Variants in NCKAP5 observed in about 807,000 individuals in gnomAD.
NCKAP5 encodes the protein nck-associated protein 5.
Under a neutral mutation model 167.0 loss-of-function variants are expected in NCKAP5, and 92 were observed. That is an observed-to-expected ratio of 0.55 (90% CI 0.47 to 0.66). NCKAP5 has a LOEUF of 0.66. Among genes scored for constraint, NCKAP5 ranks in the 30% least tolerant of loss-of-function variants. The pLI, the probability that NCKAP5 is intolerant of heterozygous loss-of-function variation, is 0.00. For missense variants in NCKAP5, 2,378 were observed against 2,315.0 expected (o/e 1.03, Z -0.56); for synonymous variants, 891 against 877.4 (o/e 1.02, Z -0.27).
chr2:132,783,467 A>G lies in NCKAP5; in HGVS notation c.3344T>C (p.Val1115Ala). The stretch of plus-strand genomic sequence containing the variant: ...TGATGAGGATGATGAGGAACTGCTG[A>G]CCTGAGATGATGGTGACTCATTTAC... ...LGVNESPSSQ[V>A]SSSSSSSSPA... Residue 1115 changes from valine to alanine, a missense_variant, in exon 14 of 20, where the codon GTC becomes GCC. This residue lies in a region of NCKAP5 where 1,325 missense variants were observed against 1,274.5 expected (regional missense o/e 1.04). Transcript: ENST00000409261. 6.3e-7 allele frequency: 1 copy of G among 1,592,938 alleles called. No homozygotes were observed. Among genetic ancestry groups the G allele is most frequent in the Non-Finnish European group, 8.6e-7 (1 of 1,169,438 alleles).
chr2:133,591,704 G>T, the NCKAP5 span, among the ~76,000 whole-genome samples: 1 of 152,182 alleles, frequency 6.6e-6, no homozygotes, highest in African/African-American at 2.4e-5. Flanking sequence ...GAGAATTGTT[G>T]TATGTATCCT....
intron 3 of NCKAP5, among the ~76,000 whole-genome samples, chr2:133,474,979 T>A (rs1679755046): frequency 6.6e-6 from 1 of 151,998 alleles, no homozygotes; most frequent in South Asian, 2.1e-4. Flanking sequence ...CCCAGCTAAT[T>A]TTTGTATTTT....
chr2:133,333,058 T>C (rs1559391771), intron 3 of NCKAP5, among the ~76,000 whole-genome samples: 2 of 152,250 alleles, frequency 1.3e-5, no homozygotes, highest in Non-Finnish European at 2.9e-5. Flanking sequence ...ATTATGAATC[T>C]AAAACGTGCC....
intron 11 of NCKAP5, among the ~76,000 whole-genome samples, chr2:132,797,654 C>T (rs531332550): frequency 2.6e-5 from 4 of 152,156 alleles, no homozygotes; most frequent in Admixed American, 6.5e-5. Flanking sequence ...CCTTTTTCTC[C>T]CTGGAGAGGC....
intron 3 of NCKAP5, among the ~76,000 whole-genome samples, chr2:133,458,533 A>G (rs1026537490): frequency 6.6e-6 from 1 of 152,132 alleles, no homozygotes; most frequent in Admixed American, 6.6e-5. Context: ...ATTATTTCCT[A>G]TCCCCACAAT....
At chr2:132,766,677 T>C (rs1336020512) in intron 16 of NCKAP5, among the ~76,000 whole-genome samples, 1 of 152,214 alleles carries the variant, frequency 6.6e-6, no homozygotes, top group East Asian at 1.9e-4. Context: ...TTGTTCTCTA[T>C]AGAAGTGAAG....
At chr2:133,240,275 A>C (rs1434883702) in intron 4 of NCKAP5, among the ~76,000 whole-genome samples, 2 of 152,256 alleles carry the variant, frequency 1.3e-5, no homozygotes, top group Non-Finnish European at 1.5e-5. Flanking sequence ...CCCAGTGGCC[A>C]ATATATTACA....
At chr2:132,778,236 C>T (rs1293052645) in intron 15 of NCKAP5, among the ~76,000 whole-genome samples, 3 of 151,848 alleles carry the variant, frequency 2.0e-5, no homozygotes, top group East Asian at 1.9e-4. Context: ...CTAAATTACA[C>T]AAAAATTAGA....
intron 19 of NCKAP5, among the ~76,000 whole-genome samples, chr2:132,705,126 T>A (rs1020951272): frequency 1.3e-5 from 2 of 152,184 alleles, no homozygotes; most frequent in Admixed American, 6.6e-5. Flanking sequence ...TCCTCCCCTC[T>A]GCTCACTCTG....
chr2:133,456,149 T>C (rs568299944), intron 3 of NCKAP5, among the ~76,000 whole-genome samples: 2 of 152,288 alleles, frequency 1.3e-5, no homozygotes, highest in South Asian at 2.1e-4. Flanking sequence ...GTAGCAGACA[T>C]TGGGAGTTCC....
chr2:133,011,486 C>T (rs900147495), intron 6 of NCKAP5, among the ~76,000 whole-genome samples: 11 of 152,206 alleles, frequency 7.2e-5, no homozygotes, highest in African/African-American at 1.9e-4. Context: ...AGTTAGAACA[C>T]GGTCCCCTAG....
Position 133,008,705 on chromosome 2 carries a change from C to T in NCKAP5, c.342-14466G>A, listed in dbSNP as rs1047361880. ...TTTAGGAACACTGGAGTATGAAAGT[C>T]TGTCTAGATATTTAATAGGTCAAAC... On this transcript the variant is annotated intron_variant, in intron 6 of 19. Transcript: ENST00000409261. 3.9e-5 allele frequency among the ~76,000 whole-genome samples: 6 copies of T among 152,236 alleles called. 1 individual carries two copies. In the South Asian group the frequency reaches 6.2e-4, roughly 16 times the overall value.
At chr2:133,253,743 T>C (rs1303587645) in intron 4 of NCKAP5, among the ~76,000 whole-genome samples, 1 of 152,204 alleles carries the variant, frequency 6.6e-6, no homozygotes, top group Non-Finnish European at 1.5e-5. Context: ...CAAATGTGTA[T>C]TTTAGTGAGA....
intron 4 of NCKAP5, among the ~76,000 whole-genome samples, chr2:133,256,724 T>G (rs950589459): frequency 6.6e-6 from 1 of 152,130 alleles, no homozygotes; most frequent in Admixed American, 6.5e-5. Flanking sequence ...ATGGAAGAAA[T>G]GTACAGTCAA....
At chr2:133,355,832 T>C (rs1400699292) in intron 3 of NCKAP5, among the ~76,000 whole-genome samples, 1 of 152,174 alleles carries the variant, frequency 6.6e-6, no homozygotes, top group Non-Finnish European at 1.5e-5. Context: ...TTTCTTTTTA[T>C]TTTTTTAACC....
At chr2:133,551,958 A>G in intron 2 of NCKAP5, among the ~76,000 whole-genome samples, 1 of 131,606 alleles carries the variant, frequency 7.6e-6, no homozygotes, top group African/African-American at 3.1e-5. Context: ...ACTTCTCAAA[A>G]GAAGACATTT....
the NCKAP5 span, among the ~76,000 whole-genome samples, chr2:133,595,283 C>T: frequency 2.6e-5 from 4 of 151,790 alleles, no homozygotes; most frequent in Non-Finnish European, 4.4e-5. Context: ...CGTATATAAC[C>T]CAGTTCATCA....
chr2:132,707,964 C>G (rs546148519), intron 19 of NCKAP5, among the ~76,000 whole-genome samples: 1 of 152,062 alleles, frequency 6.6e-6, no homozygotes, highest in African/African-American at 2.4e-5. Context: ...CTGAAGGGAA[C>G]CCCCTGTCTT....
At chr2:133,253,011 G>A (rs751106212) in intron 4 of NCKAP5, among the ~76,000 whole-genome samples, 2 of 152,218 alleles carry the variant, frequency 1.3e-5, no homozygotes, top group Non-Finnish European at 2.9e-5. Flanking sequence ...CACTTCGCCA[G>A]CCTTCTTAGA....
Sources: allele counts gnomAD v4.1 joint callset (sites outside exome capture counted in the v4.1 genomes callset), GRCh38; gene constraint gnomAD v4.1.1; regional missense constraint gnomAD v4.1.1; transcripts MANE v1.5; gene names NCBI Gene and HGNC (gene_info 2026-07-23, HGNC 2026-07-21).